TTN: variants seen among roughly 807,000 people sequenced by gnomAD.
TTN encodes titin, also known as connectin.
In TTN, 1,525 loss-of-function variants were observed where a neutral mutation model predicts 3,223.0. The observed-to-expected ratio is 0.47, with a 90% confidence interval of 0.45 to 0.49. TTN has a LOEUF of 0.49. Ranked by LOEUF, TTN falls within the 20% of genes least tolerant of loss-of-function variation. TTN has a pLI of 0.00. For synonymous variants in TTN, 14,094 were observed against 15,161.0 expected, an observed-to-expected ratio of 0.93 and a Z score of 5.17; for missense variants, 40,786 against 43,424.0, an observed-to-expected ratio of 0.94 and a Z score of 5.40.
chr2:178,595,422 C>A lies in TTN; in HGVS notation c.57847+85G>T, dbSNP rs2154188075. 2.3e-6 allele frequency: 3 copies of A among 1,290,534 alleles called. No individual in the cohort carries two copies. In the South Asian group the frequency reaches 4.2e-5, roughly 18 times the overall value. The allele number at this position is 1,290,534 out of a possible 1,614,324, so 79.9% of individuals were successfully genotyped here. ...CTTGTCAAGTGAATGAAATGTACGGCATTTATACACATATTTTTTCACCAT... is the reference window on the plus strand; with the variant it reads ...CTTGTCAAGTGAATGAAATGTACGGAATTTATACACATATTTTTTCACCAT... On this transcript the variant is annotated intron_variant, in intron 295 of 362. Transcript: ENST00000589042.
In TTN at chr2:178,604,257, C is replaced by T. The variant is rs758363721; in HGVS notation, c.54430G>A (p.Val18144Met). 2 of 1,568,228 alleles carry T rather than the reference C, an allele frequency of 1.3e-6. No homozygotes were observed. Among genetic ancestry groups the T allele is most frequent in the South Asian group, 1.2e-5 (1 of 83,098 alleles). ...TCATCACTGATTCCATATTTATTCA[C>T]TGCCCTGACTCGGAACTCATACTGA... The part of the protein sequence containing the change: ...NGQYEFRVRA[V>M]NKYGISDECK... The change falls in exon 282 of 363, where the codon GTG (valine) becomes ATG (methionine). Residue 18144 changes from valine (V) to methionine (M), a missense_variant. Val to Met is a conservative substitution (Grantham distance 21, BLOSUM62 1). Transcript: ENST00000589042.
chr2:178,651,986 A>T lies in TTN; in HGVS notation c.39296-19T>A, dbSNP rs1472270809. Reference sequence around the variant, plus strand: ...TCGAACACTTTAAAGACATGAGCTCATTTTAATGCCAGAATTGACTAAAAC... The same window carrying T: ...TCGAACACTTTAAAGACATGAGCTCTTTTTAATGCCAGAATTGACTAAAAC... On this transcript the variant is annotated intron_variant, in intron 204 of 362. Transcript: ENST00000589042. The T allele has an allele frequency of 6.2e-7, 1 of 1,610,654 alleles. No homozygotes were observed. The highest frequency in any genetic ancestry group is 8.5e-7 in the Non-Finnish European group (1 of 1,178,194).
chr2:178,551,416 T>G (rs2154150499), intron 335 of TTN, among the ~76,000 whole-genome samples, 156 bp from the exon 336 acceptor site: 1 of 152,320 alleles, frequency 6.6e-6, no homozygotes, highest in South Asian at 2.1e-4. Context: ...TATTGGTCAT[T>G]AATTTCAACT....
rs777774818 is a variant in TTN, at chr2:178,532,033, C to T, written c.104582G>A (p.Arg34861His). 2.4e-5 allele frequency: 39 copies of T among 1,613,722 alleles called. No homozygotes were observed. The highest frequency in any genetic ancestry group is 1.2e-4 in the Admixed American group (7 of 59,984). Residue 34861 changes from arginine (R) to histidine (H), a missense_variant, in exon 358 of 363, where the codon CGT (arginine) becomes CAT (histidine). Arg to His is a conservative substitution (Grantham distance 29). Transcript: ENST00000589042. ...TTCGTATTCCTCAGCCGGTTGTGGA[C>T]GTGACCGGATCAGCTCAGACACTGG... ...MRPVSELIRS[R>H]PQPAEEYEDD... is the part of the protein sequence containing the mutation.
intron 137 of TTN, 75 bp from the exon 138 acceptor site, chr2:178,681,246 C>T: frequency 6.8e-7 from 1 of 1,467,118 alleles, no homozygotes; most frequent in East Asian, 2.3e-5. Context: ...ACATAAAAAA[C>T]TGAAATGTAA....
chr2:178,617,769 ATGG>A lies in TTN; in HGVS notation c.47572+7_47572+9del. On this transcript the variant is annotated splice_region_variant and intron_variant, in intron 253 of 362. Coordinates refer to ENST00000589042, the MANE Select transcript of TTN (RefSeq NM_001267550.2). The stretch of plus-strand genomic sequence containing the variant: ...ATGCAGTAATTATTTCCCTTTTTTG[ATGG>A]GCTTACCAATTGGATCAGCAACTTT... 1 of 1,607,482 alleles carries A rather than the reference ATGG, an allele frequency of 6.2e-7. No homozygotes were observed. The highest frequency in any genetic ancestry group is 1.1e-5 in the South Asian group (1 of 89,954).
intron 47 of TTN, among the ~76,000 whole-genome samples, chr2:178,752,434 A>T (rs1292311069): frequency 6.6e-6 from 1 of 152,082 alleles, no homozygotes; most frequent in Non-Finnish European, 1.5e-5. Context: ...TGTAGATTAA[A>T]TTATTATATT....
chr2:178,532,591 C>T lies in TTN; in HGVS notation c.104024G>A (p.Arg34675Lys), dbSNP rs765125364. ...AAGACGCAGCCTCTCTTCCTCTGTTCTTTTCATTGCTAAGTAGTCATCAAT... is the reference window on the plus strand; with the variant it reads ...AAGACGCAGCCTCTCTTCCTCTGTTTTTTTCATTGCTAAGTAGTCATCAAT... ...LPIDDYLAMK[R>K]TEEERLRLEE... The change falls in exon 358 of 363, where the codon AGA becomes AAA. Residue 34675 changes from arginine (R) to lysine (K), a missense_variant. Physicochemically the swap from Arg to Lys is conservative, Grantham distance 26. Transcript: ENST00000589042. The T allele has an allele frequency of 5.0e-6, 8 of 1,613,932 alleles. No homozygotes were observed. The East Asian group carries it at 1.8e-4, about 36-fold the overall frequency.
At chr2:178,750,955 C>T (rs2085322677) in intron 47 of TTN, 1 of 1,612,882 alleles carries the variant, frequency 6.2e-7, no homozygotes, top group Non-Finnish European at 8.5e-7. Context: ...GTAGACTTTC[C>T]TTTACCAGTG....
Position 178,712,170 on chromosome 2 carries a change from A to G in TTN, c.27660T>C (p.Asp9220=). ...QLEPVKVSVG[D]SASLQCQLAG... is the part of the protein sequence containing the mutation. ...CAAGCTGGCATTGTAGAGAGGCAGA[A>G]TCTCCAACAGACACCTTAACCGGCT... Residue 9220 remains aspartate, a synonymous_variant, in exon 96 of 363, where the codon GAT becomes GAC. Transcript: ENST00000589042. 1 of 1,613,846 alleles carries G rather than the reference A, an allele frequency of 6.2e-7. No individual in the cohort carries two copies. The highest frequency in any genetic ancestry group is 8.5e-7 in the Non-Finnish European group (1 of 1,179,786).
At chr2:178,641,185 G>A in intron 220 of TTN, 56 bp downstream of exon 220, 2 of 1,192,796 alleles carry the variant, frequency 1.7e-6, no homozygotes, top group Non-Finnish European at 2.4e-6. Context: ...TAAACCTTTT[G>A]TTAAATGTCC....
chr2:178,692,513 C>T lies in TTN; in HGVS notation c.31662G>A (p.Glu10554=). The change falls in exon 120 of 363, where the codon GAG becomes GAA. Residue 10554 remains glutamate, a synonymous_variant. Coordinates refer to ENST00000589042, the MANE Select transcript of TTN (RefSeq NM_001267550.2). ...TTATTCTACCTTTTGGTGCTGGGGG[C>T]TCCACTTTTTTAGGGATAGGAACAG... The part of the protein sequence containing the change: ...VAPVPIPKKV[E]PPAPKVPEVP... 5 of 1,584,332 alleles carry T rather than the reference C, an allele frequency of 3.2e-6. No homozygotes were observed. The highest frequency in any genetic ancestry group is 4.3e-6 in the Non-Finnish European group (5 of 1,163,924).
chr2:178,582,501 G>T lies in TTN; in HGVS notation c.65955C>A (p.Gly21985=). The change falls in exon 314 of 363, where the codon GGC becomes GGA. Residue 21985 remains glycine (G), a synonymous_variant. Transcript: ENST00000589042. ...CAACAATATAGTTGGTGATTTCTGAGCCTCCATCTTCAAGAGGCGGTTCCC... is the reference window on the plus strand; with the variant it reads ...CAACAATATAGTTGGTGATTTCTGATCCTCCATCTTCAAGAGGCGGTTCCC... ...LSWEPPLEDG[G]SEITNYIVDK... 6.2e-7 allele frequency: 1 copy of T among 1,612,922 alleles called. No homozygotes were observed. The highest frequency in any genetic ancestry group is 1.3e-5 in the African/African-American group (1 of 74,966).
rs1266785966 is a variant in TTN, at chr2:178,574,651, A to C, written c.71481T>G (p.Pro23827=). The C allele has an allele frequency of 6.2e-7, 1 of 1,612,948 alleles. No individual in the cohort carries two copies. Among genetic ancestry groups the C allele is most frequent in the Non-Finnish European group, 8.5e-7 (1 of 1,179,454 alleles). The change falls in exon 326 of 363, where the codon CCT becomes CCG. Residue 23827 remains proline (P), a synonymous_variant. Transcript: ENST00000589042. Reference sequence around the variant, plus strand: ...TTACCTGAGGGGTACCAGGAGGTCCAGGAACCTTAAATGGATAGTTGGCAA... The same window carrying C: ...TTACCTGAGGGGTACCAGGAGGTCCCGGAACCTTAAATGGATAGTTGGCAA... The part of the protein sequence containing the change: ...CIVANYPFKV[P]GPPGTPQVTA...
At chr2:178,543,707 G>A in intron 346 of TTN, 45 bp from the exon 347 acceptor site, 1 of 1,519,882 alleles carries the variant, frequency 6.6e-7, no homozygotes, top group Non-Finnish European at 8.8e-7. Context: ...TTGCCTGATA[G>A]CTTTTTTTTT....
At chr2:178,784,805 A>G (rs944428207) in intron 15 of TTN, among the ~76,000 whole-genome samples, 10 of 152,222 alleles carry the variant, frequency 6.6e-5, no homozygotes, top group Non-Finnish European at 4.4e-5. Flanking sequence ...AAAGGTAAAC[A>G]TGAAGACATT....
chr2:178,538,054 T>C, intron 354 of TTN, 137 bp from the exon 355 acceptor site: 1 of 845,074 alleles, frequency 1.2e-6, no homozygotes, highest in African/African-American at 1.7e-5. Context: ...TCTTAAAAAC[T>C]CTTTGAAGTG....
At position 178,723,178 on chromosome 2, in the gene TTN, T is replaced by C. The variant is rs758247611; in HGVS notation, c.21829A>G (p.Asn7277Asp). The change falls in exon 75 of 363, where the codon AAC becomes GAC. Residue 7277 changes from asparagine (N) to aspartate (D), a missense_variant. Coordinates refer to ENST00000589042, the MANE Select transcript of TTN (RefSeq NM_001267550.2). ...CAAGTTTTCTCTGTTGTGACTATGT[T>C]ACATTTTTCAGAGGTAGTTATGTTA... ...GFNITTSEKC[N>D]IVTTEKTCIL... 5.0e-6 allele frequency: 8 copies of C among 1,613,452 alleles called. No homozygotes were observed. In the African/African-American group the frequency reaches 1.1e-4, roughly 22 times the overall value.
intron 17 of TTN, among the ~76,000 whole-genome samples, 165 bp downstream of exon 17, chr2:178,783,555 T>C (rs999540096): frequency 1.3e-5 from 2 of 152,178 alleles, no homozygotes; most frequent in African/African-American, 4.8e-5. Flanking sequence ...TTGCCAAATA[T>C]GGTCAAATAT....
Sources: gnomAD v4.1 joint callset for allele counts (sites outside exome capture counted in the v4.1 genomes callset) on GRCh38, gnomAD v4.1.1 for gene constraint, MANE v1.5 for transcripts, NCBI Gene and HGNC (gene_info 2026-07-23, HGNC 2026-07-21) for gene names.